Variants in PHLPP1 observed in about 807,000 individuals in gnomAD.
PHLPP1 encodes the protein PH domain leucine-rich repeat-containing protein phosphatase 1.
A neutral mutation model predicts 117.2 loss-of-function variants in PHLPP1; 42 were observed. That is an observed-to-expected ratio of 0.36 (90% CI 0.28 to 0.46). The LOEUF is 0.46. Ranked by LOEUF, PHLPP1 falls within the 20% of genes least tolerant of loss-of-function variation. The pLI is 1.00. For synonymous variants in PHLPP1, 1,042 were observed against 970.7 expected (o/e 1.07, Z -1.37); for missense variants, 2,084 against 2,241.9 (o/e 0.93, Z 1.42).
In PHLPP1 at chr18:62,856,013, T is replaced by G. The variant is rs558548430; in HGVS notation, c.1900-4422T>G. On this transcript the variant is annotated intron_variant, in intron 3 of 16. Transcript: ENST00000262719. ...GGAGCTTACAATCTAGAGACAAAGATAGAGAAAAAATAAGAAAATTCCATG... is the reference window on the plus strand; with the variant it reads ...GGAGCTTACAATCTAGAGACAAAGAGAGAGAAAAAATAAGAAAATTCCATG... Among the ~76,000 whole-genome samples the G allele has an allele frequency of 9.2e-5, 14 of 152,188 alleles. 1 individual carries two copies. In the South Asian group the frequency reaches 2.5e-3, roughly 27 times the overall value.
chr18:62,737,784 T>C (rs1234548073), intron 1 of PHLPP1, among the ~76,000 whole-genome samples: 1 of 152,108 alleles, frequency 6.6e-6, no homozygotes, highest in Non-Finnish European at 1.5e-5. Context: ...TAGGACATTT[T>C]TGGCAGGGGA....
At chr18:62,798,833 A>G (rs1304229754) in intron 1 of PHLPP1, among the ~76,000 whole-genome samples, 4 of 152,158 alleles carry the variant, frequency 2.6e-5, no homozygotes, top group Non-Finnish European at 5.9e-5. Flanking sequence ...TCCAGTGGTA[A>G]TAAAACAGAT....
intron 1 of PHLPP1, among the ~76,000 whole-genome samples, chr18:62,797,752 A>G (rs1055522885): frequency 3.3e-5 from 5 of 152,198 alleles, no homozygotes; most frequent in African/African-American, 1.2e-4. Flanking sequence ...ATTAAATGAT[A>G]TAATTTTTCA....
intron 4 of PHLPP1, among the ~76,000 whole-genome samples, chr18:62,890,445 T>C (rs2144393563): frequency 6.6e-6 from 1 of 152,168 alleles, no homozygotes; most frequent in African/African-American, 2.4e-5. Context: ...TTTATATTTT[T>C]AGTAGAGATG....
At chr18:62,930,056 C>G (rs546342848) in intron 10 of PHLPP1, among the ~76,000 whole-genome samples, 1 of 152,242 alleles carries the variant, frequency 6.6e-6, no homozygotes, top group African/African-American at 2.4e-5. Flanking sequence ...GTGTAACTTA[C>G]AGAATGCTGA....
At chr18:62,754,590 G>C (rs936706775) in intron 1 of PHLPP1, among the ~76,000 whole-genome samples, 1 of 152,178 alleles carries the variant, frequency 6.6e-6, no homozygotes, top group African/African-American at 2.4e-5. Context: ...AGAAAGCTTC[G>C]TGTACTTTGG....
At chr18:62,750,806 T>C (rs1911828078) in intron 1 of PHLPP1, among the ~76,000 whole-genome samples, 1 of 151,992 alleles carries the variant, frequency 6.6e-6, no homozygotes, top group South Asian at 2.1e-4. Context: ...AAAAACTCCC[T>C]GCTTTATTAA....
chr18:62,831,976 A>C (rs892527779), intron 2 of PHLPP1, among the ~76,000 whole-genome samples: 1 of 152,206 alleles, frequency 6.6e-6, no homozygotes, highest in Admixed American at 6.5e-5. Flanking sequence ...ATATACTAAG[A>C]TTTTGCCCTG....
chr18:62,792,841 C>T (rs2144291510), intron 1 of PHLPP1, among the ~76,000 whole-genome samples: 1 of 145,548 alleles, frequency 6.9e-6, no homozygotes, highest in South Asian at 2.2e-4. Flanking sequence ...TGCACTCCAG[C>T]CTTGGTGAGA....
At chr18:62,750,003 G>A (rs1050787598) in intron 1 of PHLPP1, among the ~76,000 whole-genome samples, 4 of 152,024 alleles carry the variant, frequency 2.6e-5, no homozygotes, top group East Asian at 1.9e-4. Context: ...GCGACAGAGC[G>A]AGACTCCACC....
At chr18:62,885,893 T>C (rs1157774452) in intron 4 of PHLPP1, among the ~76,000 whole-genome samples, 1 of 152,194 alleles carries the variant, frequency 6.6e-6, no homozygotes, top group Non-Finnish European at 1.5e-5. Context: ...TGGTCTACTG[T>C]TGTCTAGATT....
In PHLPP1 at chr18:62,979,398, C is replaced by T. The variant is rs757612526; in HGVS notation, c.5121C>T (p.Asp1707=). Residue 1707 remains aspartate, a synonymous_variant, in exon 17 of 17, where the codon GAC becomes GAT. Coordinates refer to ENST00000262719, the MANE Select transcript of PHLPP1 (RefSeq NM_194449.4). ...QPQLPRHYQL[D]QLPDYYDTPL ...AGCTGCCGCGGCACTACCAGCTGGA[C>T]CAGCTGCCAGATTATTACGACACGC... 2.1e-5 allele frequency: 33 copies of T among 1,551,316 alleles called. No homozygotes were observed. In the South Asian group the frequency reaches 3.4e-4, roughly 16 times the overall value.
At chr18:62,748,309 A>G (rs1439930599) in intron 1 of PHLPP1, among the ~76,000 whole-genome samples, 1 of 151,342 alleles carries the variant, frequency 6.6e-6, no homozygotes, top group African/African-American at 2.4e-5. Flanking sequence ...CAGTGGCACA[A>G]TCACTGCTCA....
chr18:62,966,204 A>G (rs1212286915), intron 14 of PHLPP1, among the ~76,000 whole-genome samples: 1 of 152,146 alleles, frequency 6.6e-6, no homozygotes, highest in Admixed American at 6.5e-5. Flanking sequence ...TATGTATGAC[A>G]TACTTAGAAC....
rs138499274 is a variant in PHLPP1, at chr18:62,773,466, G to T, written c.1576+56207G>T. The stretch of plus-strand genomic sequence containing the variant: ...GTAGTGCATTTCAGAGATGGGTGTT[G>T]TGAGAACTTTGGCTACATGGAAAGT... On this transcript the variant is annotated intron_variant, in intron 1 of 16. Transcript: ENST00000262719. 1.8e-3 allele frequency among the ~76,000 whole-genome samples: 268 copies of T among 152,316 alleles called. 1 individual carries two copies. The highest frequency in any genetic ancestry group is 2.8e-3 in the Admixed American group (43 of 15,302).
intron 1 of PHLPP1, among the ~76,000 whole-genome samples, chr18:62,755,569 T>C (rs989380476): frequency 6.6e-6 from 1 of 152,164 alleles, no homozygotes; most frequent in Admixed American, 6.5e-5. Context: ...GAGACTATTC[T>C]TCTTCCACCC....
chr18:62,830,586 C>T (rs1914731756), intron 2 of PHLPP1, among the ~76,000 whole-genome samples: 1 of 152,098 alleles, frequency 6.6e-6, no homozygotes, highest in Admixed American at 6.6e-5. Context: ...CAGTAAGGAC[C>T]TTACTTTGAG....
intron 4 of PHLPP1, among the ~76,000 whole-genome samples, chr18:62,863,859 GT>G (rs1213782316): frequency 2.6e-5 from 4 of 152,076 alleles, no homozygotes; most frequent in Admixed American, 2.6e-4. Context: ...CATCCTGTGA[GT>G]AAGAATGCCT....
At chr18:62,824,987 C>T (rs1373210457) in intron 1 of PHLPP1, among the ~76,000 whole-genome samples, 1 of 149,606 alleles carries the variant, frequency 6.7e-6, no homozygotes, top group Non-Finnish European at 1.5e-5. Flanking sequence ...AGTGCAGTGG[C>T]ACAATCTCAG....
Sources: gnomAD v4.1 joint callset for allele counts (sites outside exome capture counted in the v4.1 genomes callset) on GRCh38, gnomAD v4.1.1 for gene constraint, MANE v1.5 for transcripts, NCBI Gene and HGNC (gene_info 2026-07-23, HGNC 2026-07-21) for gene names.